Variants in HECTD2 observed in about 807,000 individuals in gnomAD.
HECTD2 encodes probable E3 ubiquitin-protein ligase HECTD2.
In HECTD2, 35 loss-of-function variants were observed where a neutral mutation model predicts 103.2. The ratio of observed to expected loss-of-function variants is 0.34; its 90% confidence interval spans 0.26 to 0.45. The LOEUF (loss-of-function observed/expected upper bound fraction) is 0.45, where lower values mean the gene tolerates loss of function less well. Ranked by LOEUF, HECTD2 falls within the 20% of genes least tolerant of loss-of-function variation. HECTD2 has a pLI of 1.00. For synonymous variants in HECTD2, 281 were observed against 329.9 expected, an observed-to-expected ratio of 0.85 and a Z score of 1.61; for missense variants, 596 against 937.4, an observed-to-expected ratio of 0.64 and a Z score of 4.76.
chr10:91,462,423 A>T, intron 5 of HECTD2: 1 of 1,236,154 alleles, frequency 8.1e-7, no homozygotes, highest in Non-Finnish European at 1.0e-6. Flanking sequence ...TGCTAAAATC[A>T]TGCTTTACTT....
chr10:91,490,660 G>C (rs958791604), intron 11 of HECTD2, among the ~76,000 whole-genome samples: 3 of 151,802 alleles, frequency 2.0e-5, no homozygotes, highest in African/African-American at 7.3e-5. Context: ...GGGAGGCCGA[G>C]GCGGGCGGAT....
Position 91,512,539 on chromosome 10 carries a change from A to G in HECTD2, c.*155A>G. The stretch of plus-strand genomic sequence containing the variant: ...AAAAAATCAAATATGAAGTATGTTC[A>G]GCAAAGGCATAATTTTCTAAAAACA... On this transcript the variant is annotated 3_prime_UTR_variant, in exon 21 of 21. Coordinates refer to ENST00000298068, the MANE Select transcript of HECTD2 (RefSeq NM_182765.6). 1.5e-6 allele frequency: 1 copy of G among 678,136 alleles called. No homozygotes were observed. Among genetic ancestry groups the G allele is most frequent in the East Asian group, 2.7e-5 (1 of 36,556 alleles). 42.0% of individuals were successfully genotyped at this position (678,136 alleles called of 1,614,324 possible).
At chr10:91,444,570 G>A (rs777329058) in intron 2 of HECTD2, among the ~76,000 whole-genome samples, 5 of 152,142 alleles carry the variant, frequency 3.3e-5, no homozygotes, top group East Asian at 1.9e-4. Context: ...TACAGGATGC[G>A]ACATTCAGCT....
chr10:91,485,450 TTAAAG>T (rs1196109046), intron 10 of HECTD2, 147 bp downstream of exon 10: 4 of 566,418 alleles, frequency 7.1e-6, no homozygotes, highest in South Asian at 2.9e-5. Flanking sequence ...ATCATATTTA[TTAAAG>T]TATTTTCTTT....
At chr10:91,473,529 C>T (rs1185151273) in intron 5 of HECTD2, among the ~76,000 whole-genome samples, 2 of 152,084 alleles carry the variant, frequency 1.3e-5, no homozygotes, top group Non-Finnish European at 1.5e-5. Flanking sequence ...ATACAGTTGA[C>T]CCTTACACAT....
chr10:91,486,522 A>G (rs1589533443), intron 10 of HECTD2: 1 of 152,194 alleles, frequency 6.6e-6, no homozygotes, highest in Non-Finnish European at 1.5e-5. Flanking sequence ...GATCCTGTCA[A>G]CCCTTGGGTA....
At chr10:91,419,304 GATTC>G (rs1176860067) in intron 1 of HECTD2, among the ~76,000 whole-genome samples, 1 of 152,266 alleles carries the variant, frequency 6.6e-6, no homozygotes, top group East Asian at 1.9e-4. Context: ...GGAAATTTAA[GATTC>G]AGTCTGTTCC....
At chr10:91,434,613 A>AT (rs1386701868) in intron 2 of HECTD2, among the ~76,000 whole-genome samples, 2 of 142,016 alleles carry the variant, frequency 1.4e-5, no homozygotes, top group Non-Finnish European at 3.0e-5. Context: ...TGCTTGTTGA[A>AT]TTTTTTTTGT....
rs192211465 is a variant in HECTD2, at chr10:91,437,036, A to C, written c.268+11626A>C. On this transcript the variant is annotated intron_variant, in intron 2 of 20. Coordinates refer to ENST00000298068, the MANE Select transcript of HECTD2 (RefSeq NM_182765.6). The stretch of plus-strand genomic sequence containing the variant: ...CCTCCCTTTGTTTCTTTAACAGATA[A>C]GGAGTATGAGATTCTGAGAGATTAC... Among the ~76,000 whole-genome samples the C allele has an allele frequency of 2.2e-4, 33 of 152,178 alleles. 1 individual carries two copies. Among genetic ancestry groups the C allele is most frequent in the Admixed American group, 8.5e-4 (13 of 15,258 alleles).
intron 5 of HECTD2, chr10:91,462,440 C>A: frequency 8.1e-7 from 1 of 1,239,218 alleles, no homozygotes. Context: ...ACTTACTCAG[C>A]AAAAGGAGGT....
chr10:91,437,517 G>C (rs565240319), intron 2 of HECTD2, among the ~76,000 whole-genome samples: 6 of 151,920 alleles, frequency 3.9e-5, no homozygotes, highest in Middle Eastern at 3.2e-3. Context: ...ATATTCAAAG[G>C]GAGGCGAATT....
At chr10:91,418,291 T>G (rs1210968291) in intron 1 of HECTD2, among the ~76,000 whole-genome samples, 1 of 152,212 alleles carries the variant, frequency 6.6e-6, no homozygotes, top group African/African-American at 2.4e-5. Context: ...ATTCATGTAT[T>G]TTTATCTTTT....
At chr10:91,438,947 G>C (rs150350607) in intron 2 of HECTD2, among the ~76,000 whole-genome samples, 1 of 152,238 alleles carries the variant, frequency 6.6e-6, no homozygotes, top group East Asian at 1.9e-4. Flanking sequence ...TTGCAAATTT[G>C]TTGAAGTTCC....
chr10:91,465,800 A>T lies in HECTD2; in HGVS notation c.600+3616A>T, dbSNP rs959912928. On this transcript the variant is annotated intron_variant, in intron 5 of 20. Transcript: ENST00000298068. ...AATAAATCACACTTGGTTGTGTTGT[A>T]TAATTCTTTTTATGTATTTTTGGTT... 2.6e-5 allele frequency among the ~76,000 whole-genome samples: 4 copies of T among 152,104 alleles called. No individual in the cohort carries two copies. In the South Asian group the frequency reaches 8.3e-4, roughly 32 times the overall value.
intron 2 of HECTD2, among the ~76,000 whole-genome samples, chr10:91,433,203 G>A (rs7081707): frequency 0.066 from 10,054 of 151,938 alleles, 889 homozygotes; most frequent in African/African-American, 0.2. Flanking sequence ...GTTCCTATGG[G>A]AAGAGTTATT....
intron 20 of HECTD2, among the ~76,000 whole-genome samples, chr10:91,504,091 A>C (rs866037676): frequency 0.015 from 2,346 of 152,230 alleles, 55 homozygotes; most frequent in African/African-American, 0.054. Context: ...GAAAACTAAC[A>C]AACAGAAAGG....
chr10:91,420,302 C>G (rs904462536), intron 1 of HECTD2, among the ~76,000 whole-genome samples: 1 of 148,782 alleles, frequency 6.7e-6, no homozygotes, highest in African/African-American at 2.5e-5. Flanking sequence ...AAAAGAAAAT[C>G]AGGCTGGGTG....
At chr10:91,501,153 C>G (rs1292653382) in intron 19 of HECTD2, 38 bp from the exon 20 acceptor site, 1 of 1,576,928 alleles carries the variant, frequency 6.3e-7, no homozygotes, top group East Asian at 2.3e-5. Context: ...GGATTTTTGT[C>G]AAGACATTTG....
At chr10:91,476,892 G>A (rs192875315) in intron 5 of HECTD2, among the ~76,000 whole-genome samples, 479 of 152,292 alleles carry the variant, frequency 3.1e-3, no homozygotes, top group Non-Finnish European at 5.0e-3. Flanking sequence ...AAACCCCTGC[G>A]GGTCCGGGCC....
Sources: allele counts gnomAD v4.1 joint callset (sites outside exome capture counted in the v4.1 genomes callset), GRCh38; gene constraint gnomAD v4.1.1; transcripts MANE v1.5; gene names NCBI Gene and HGNC (gene_info 2026-07-23, HGNC 2026-07-21).